Variants in LRRTM4 observed in about 807,000 individuals in gnomAD.
LRRTM4 encodes leucine-rich repeat transmembrane neuronal protein 4.
In LRRTM4, 25 loss-of-function variants were observed where a neutral mutation model predicts 47.6. The observed-to-expected ratio is 0.53, with a 90% CI of 0.38 to 0.73. The LOEUF is 0.73. Among genes scored for constraint, LRRTM4 ranks in the 30% least tolerant of loss-of-function variants. LRRTM4 has a pLI of 0.00. For synonymous variants in LRRTM4, 311 were observed against 269.5 expected (o/e 1.15, Z -1.51); for missense variants, 638 against 713.4 (o/e 0.89, Z 1.20).
At chr2:77,026,539 G>A (rs1463693115) in intron 3 of LRRTM4, among the ~76,000 whole-genome samples, 1 of 152,050 alleles carries the variant, frequency 6.6e-6, no homozygotes, top group Admixed American at 6.6e-5. Context: ...TACAACAAAA[G>A]TAATAGTAAG....
chr2:77,114,842 A>C (rs572902144), intron 3 of LRRTM4, among the ~76,000 whole-genome samples: 1 of 152,140 alleles, frequency 6.6e-6, no homozygotes, highest in African/African-American at 2.4e-5. Flanking sequence ...ACGTGCTCCA[A>C]AGGGCAATAA....
chr2:77,121,726 C>T (rs984227189), intron 3 of LRRTM4, among the ~76,000 whole-genome samples: 3 of 151,738 alleles, frequency 2.0e-5, no homozygotes, highest in Admixed American at 6.6e-5. Flanking sequence ...TCCAATTTCC[C>T]TAGGTAGATG....
intron 3 of LRRTM4, among the ~76,000 whole-genome samples, chr2:76,981,456 A>T (rs1311258395): frequency 6.6e-6 from 1 of 152,042 alleles, no homozygotes; most frequent in African/African-American, 2.4e-5. Flanking sequence ...CAGTTGTAGA[A>T]ATTTAACATC....
At chr2:77,185,256 GCT>G (rs1673468039) in intron 3 of LRRTM4, among the ~76,000 whole-genome samples, 1 of 152,120 alleles carries the variant, frequency 6.6e-6, no homozygotes, top group Non-Finnish European at 1.5e-5. Context: ...TAAGGGTGCT[GCT>G]CCTGGTAGAG....
At chr2:77,094,082 C>A (rs1192942014) in intron 3 of LRRTM4, among the ~76,000 whole-genome samples, 3 of 152,070 alleles carry the variant, frequency 2.0e-5, no homozygotes, top group Non-Finnish European at 4.4e-5. Flanking sequence ...AACAACTTCA[C>A]AGAAAACTAT....
intron 3 of LRRTM4, among the ~76,000 whole-genome samples, chr2:77,217,897 T>A (rs183972829): frequency 6.9e-4 from 105 of 152,340 alleles, no homozygotes; most frequent in Non-Finnish European, 6.3e-4. Context: ...GACTATGTCT[T>A]CTTTGTTGGC....
rs1672523678 is a variant in LRRTM4, at chr2:76,868,350, C to T, written c.1552-119434G>A. On this transcript the variant is annotated intron_variant, in intron 3 of 3. Transcript: ENST00000409884. Reference sequence around the variant, plus strand: ...ATCACATTTATTAAAATTTTAATAACATCTCTCTGCGGACATAAGTTACGG... The same window carrying T: ...ATCACATTTATTAAAATTTTAATAATATCTCTCTGCGGACATAAGTTACGG... 2.0e-5 allele frequency among the ~76,000 whole-genome samples: 3 copies of T among 152,108 alleles called. No individual in the cohort carries two copies. The South Asian group carries it at 6.2e-4, about 31-fold the overall frequency.
chr2:77,325,183 C>T (rs757390856), intron 3 of LRRTM4, among the ~76,000 whole-genome samples: 6 of 152,078 alleles, frequency 3.9e-5, no homozygotes, highest in Non-Finnish European at 5.9e-5. Flanking sequence ...AGGACTGCCC[C>T]CCTTCAAAGA....
intron 3 of LRRTM4, among the ~76,000 whole-genome samples, chr2:76,824,105 TATCTC>T (rs1479967750): frequency 6.6e-6 from 1 of 151,508 alleles, no homozygotes; most frequent in East Asian, 1.9e-4. Context: ...AAGTTGTAGA[TATCTC>T]ATAGTAACAT....
chr2:77,351,074 C>A (rs1671750523), intron 3 of LRRTM4, among the ~76,000 whole-genome samples: 1 of 152,066 alleles, frequency 6.6e-6, no homozygotes, highest in Non-Finnish European at 1.5e-5. Context: ...TTCCTCCCAC[C>A]CCGTATGCTC....
At chr2:77,326,200 G>A (rs547169349) in intron 3 of LRRTM4, among the ~76,000 whole-genome samples, 1 of 152,228 alleles carries the variant, frequency 6.6e-6, no homozygotes, top group Non-Finnish European at 1.5e-5. Flanking sequence ...TCAAATTTAA[G>A]CATAAAAACA....
intron 3 of LRRTM4, among the ~76,000 whole-genome samples, chr2:77,474,031 G>T (rs970913235): frequency 2.0e-5 from 3 of 152,106 alleles, no homozygotes; most frequent in African/African-American, 7.2e-5. Context: ...TCCCATATTG[G>T]TTATTACACT....
At chr2:76,969,539 T>C (rs1291849427) in intron 3 of LRRTM4, among the ~76,000 whole-genome samples, 7 of 151,894 alleles carry the variant, frequency 4.6e-5, no homozygotes, top group African/African-American at 1.2e-4. Context: ...ACCTGTTACT[T>C]TCAAATGGCA....
intron 3 of LRRTM4, among the ~76,000 whole-genome samples, chr2:77,063,655 T>C (rs1424200672): frequency 6.6e-6 from 1 of 152,182 alleles, no homozygotes; most frequent in Non-Finnish European, 1.5e-5. Context: ...ATCAACTCTT[T>C]TTATAACTCC....
chr2:76,805,203 T>C (rs923160943), intron 3 of LRRTM4, among the ~76,000 whole-genome samples: 2 of 152,038 alleles, frequency 1.3e-5, no homozygotes, highest in African/African-American at 4.8e-5. Flanking sequence ...CCTAATGAAA[T>C]TCCACTTGTG....
intron 3 of LRRTM4, among the ~76,000 whole-genome samples, chr2:76,949,301 G>A (rs992089114): frequency 6.6e-6 from 1 of 151,860 alleles, no homozygotes; most frequent in Non-Finnish European, 1.5e-5. Context: ...TGGGATACGT[G>A]AGGATGAAGT....
chr2:77,329,561 C>G (rs1042796886), intron 3 of LRRTM4, among the ~76,000 whole-genome samples: 1 of 152,032 alleles, frequency 6.6e-6, no homozygotes, highest in Non-Finnish European at 1.5e-5. Flanking sequence ...AAAAATAAAT[C>G]TGGGGAAGGC....
intron 3 of LRRTM4, among the ~76,000 whole-genome samples, chr2:77,124,481 A>C (rs1267815701): frequency 2.0e-5 from 3 of 152,124 alleles, no homozygotes. Flanking sequence ...CGAGTTCAGA[A>C]GTTTTAAAGA....
intron 3 of LRRTM4, among the ~76,000 whole-genome samples, chr2:77,450,983 A>G (rs1676233760): frequency 1.3e-5 from 2 of 152,160 alleles, no homozygotes; most frequent in East Asian, 3.8e-4. Flanking sequence ...ATAACTTTCC[A>G]ACTTATTTTC....
Sources: gnomAD v4.1 joint callset for allele counts (sites outside exome capture counted in the v4.1 genomes callset) on GRCh38, gnomAD v4.1.1 for gene constraint, MANE v1.5 for transcripts, NCBI Gene and HGNC (gene_info 2026-07-23, HGNC 2026-07-21) for gene names.